The following ALG6 variants were observed in gnomAD, a reference collection of about 807,000 sequenced individuals.
ALG6 encodes the protein ALG6 alpha-1,3-glucosyltransferase.
Under a neutral mutation model 66.6 loss-of-function variants are expected in ALG6, and 46 were observed. That is an observed-to-expected ratio of 0.69 (90% CI 0.55 to 0.88). ALG6 has a LOEUF of 0.88. Ranked by LOEUF, ALG6 falls within the 40% of genes least tolerant of loss-of-function variation. The probability of loss-of-function intolerance (pLI) is 0.00; values close to 1 mark genes in which losing one functional copy is unlikely to be tolerated. For missense variants in ALG6, 505 were observed against 586.8 expected (o/e 0.86, Z 1.44); for synonymous variants, 185 against 203.7 (o/e 0.91, Z 0.78).
At chr1:63,432,258 G>GTTTTTT (rs139890401) in intron 14 of ALG6, among the ~76,000 whole-genome samples, 2,684 of 149,552 alleles carry the variant, frequency 0.018, 79 homozygotes, top group African/African-American at 0.062. Flanking sequence ...TTGGTCATGT[G>GTTTTTT]TGTTTTTTTT....
intron 5 of ALG6, among the ~76,000 whole-genome samples, chr1:63,405,636 C>T (rs1422012548): frequency 6.6e-6 from 1 of 152,064 alleles, no homozygotes; most frequent in Non-Finnish European, 1.5e-5. Flanking sequence ...TTTAATGTGG[C>T]ATCTGGAGCT....
chr1:63,395,013 G>T (rs904261966), intron 2 of ALG6, among the ~76,000 whole-genome samples: 2 of 151,426 alleles, frequency 1.3e-5, no homozygotes, highest in Admixed American at 1.3e-4. Flanking sequence ...TTACAGGCAC[G>T]CACCACCATG....
At chr1:63,415,370 C>G (rs989067721) in intron 10 of ALG6, among the ~76,000 whole-genome samples, 4 of 152,152 alleles carry the variant, frequency 2.6e-5, no homozygotes, top group Admixed American at 2.6e-4. Context: ...AGGAGAAGCT[C>G]TAGTAGCTTC....
chr1:63,434,649 G>T (rs1290833974), intron 14 of ALG6, among the ~76,000 whole-genome samples: 5 of 152,100 alleles, frequency 3.3e-5, no homozygotes, highest in South Asian at 2.1e-4. Flanking sequence ...CGTTAGTGTT[G>T]GTGTATTTTA....
At chr1:63,368,308 C>T (rs1647793276) in intron 1 of ALG6, among the ~76,000 whole-genome samples, 1 of 152,082 alleles carries the variant, frequency 6.6e-6, no homozygotes, top group African/African-American at 2.4e-5. Flanking sequence ...CCACACAGGG[C>T]TCAGTAAAAT....
chr1:63,370,084 C>T (rs566438601), intron 1 of ALG6, among the ~76,000 whole-genome samples: 86 of 151,796 alleles, frequency 5.7e-4, no homozygotes, highest in Non-Finnish European at 9.3e-4. Flanking sequence ...TCCCAAAGTG[C>T]TGGGATTACA....
intron 2 of ALG6, among the ~76,000 whole-genome samples, chr1:63,374,186 C>A (rs1487152391): frequency 3.3e-5 from 5 of 152,054 alleles, no homozygotes; most frequent in Non-Finnish European, 7.4e-5. Context: ...TGAATGAGTT[C>A]GAGGAATATG....
chr1:63,412,155 A>G (rs536650113), intron 9 of ALG6, 94 bp downstream of exon 9: 86 of 1,540,822 alleles, frequency 5.6e-5, no homozygotes, highest in Non-Finnish European at 5.4e-5. Flanking sequence ...TAGGAACTTC[A>G]GCTACTTTCC....
rs539740181 is a variant in ALG6 at position 63,419,424 on chromosome 1, A to T, written c.1042A>T (p.Ile348Phe). The change falls in exon 12 of 15, where the codon ATT (isoleucine) becomes TTT (phenylalanine). Residue 348 changes from isoleucine (I) to phenylalanine (F), a missense_variant. Coordinates refer to ENST00000263440, the MANE Select transcript of ALG6 (RefSeq NM_013339.4). ...LFSFQVHEKS[I>F]LLVSLPVCLV... is the part of the protein sequence containing the mutation. Reference sequence around the variant, plus strand: ...TTCTTTCCAAGTACATGAAAAATCCATTCTCTTGGTGTCACTGTAAGTAGA... The same window carrying T: ...TTCTTTCCAAGTACATGAAAAATCCTTTCTCTTGGTGTCACTGTAAGTAGA... 1 of 1,606,916 alleles carries T rather than the reference A, an allele frequency of 6.2e-7. No homozygotes were observed. Among genetic ancestry groups the T allele is most frequent in the South Asian group, 1.1e-5 (1 of 89,992 alleles).
intron 2 of ALG6, among the ~76,000 whole-genome samples, chr1:63,394,078 G>T (rs1648748628): frequency 6.6e-6 from 1 of 152,206 alleles, no homozygotes; most frequent in Non-Finnish European, 1.5e-5. Context: ...AGCGTTTAAA[G>T]AATATTGGTA....
Position 63,389,696 on chromosome 1 carries a change from A to G in ALG6, c.83-6817A>G, listed in dbSNP as rs150915014. 1.4e-3 allele frequency among the ~76,000 whole-genome samples: 216 copies of G among 152,234 alleles called. 2 individuals carry two copies. Among genetic ancestry groups the G allele is most frequent in the African/African-American group, 5.0e-3 (209 of 41,532 alleles). The stretch of plus-strand genomic sequence containing the variant: ...ATTGTAGTCTTCACAGTCTGGGCTT[A>G]TTTATACCCATCCTTCTTGGGAAGG... On this transcript the variant is annotated intron_variant, in intron 2 of 14. Coordinates refer to ENST00000263440, the MANE Select transcript of ALG6 (RefSeq NM_013339.4).
intron 1 of ALG6, among the ~76,000 whole-genome samples, chr1:63,368,800 C>G (rs1416169232): frequency 6.6e-6 from 1 of 152,102 alleles, no homozygotes; most frequent in African/African-American, 2.4e-5. Flanking sequence ...TGCGCCCAGC[C>G]CCTTTTATGC....
At chr1:63,400,371 GTA>G (rs1361757864) in intron 3 of ALG6, among the ~76,000 whole-genome samples, 1 of 121,554 alleles carries the variant, frequency 8.2e-6, no homozygotes, top group East Asian at 2.2e-4. Flanking sequence ...GTATATATAT[GTA>G]TATATATATA....
chr1:63,436,438 A>G (rs891778806), intron 14 of ALG6, among the ~76,000 whole-genome samples: 3 of 152,146 alleles, frequency 2.0e-5, no homozygotes, highest in African/African-American at 7.2e-5. Flanking sequence ...TTAGAATTTT[A>G]TATCCTGTTG....
intron 2 of ALG6, among the ~76,000 whole-genome samples, chr1:63,374,929 G>C (rs570874173): frequency 6.6e-6 from 1 of 152,144 alleles, no homozygotes; most frequent in Non-Finnish European, 1.5e-5. Flanking sequence ...AAAAATGTAG[G>C]CTGAGCACAG....
In ALG6 at chr1:63,437,099, A is replaced by G. The variant is rs567013040; in HGVS notation, c.*79A>G. 1.3e-5 allele frequency: 17 copies of G among 1,274,852 alleles called. No individual in the cohort carries two copies. In the African/African-American group the frequency reaches 1.5e-4, roughly 11 times the overall value. The allele number at this position is 1,274,852 out of a possible 1,614,324, so 79.0% of individuals were successfully genotyped here. On this transcript the variant is annotated 3_prime_UTR_variant, in exon 15 of 15. Transcript: ENST00000263440. ...TGAAAGGTTTTGTGAACTTTTTGCT[A>G]TGTATAAATGAAATTACCATTTTGA...
At chr1:63,436,381 A>G (rs1644678585) in intron 14 of ALG6, among the ~76,000 whole-genome samples, 1 of 152,110 alleles carries the variant, frequency 6.6e-6, no homozygotes, top group Non-Finnish European at 1.5e-5. Context: ...CCTGCCAAAC[A>G]CTAGGTTTTA....
chr1:63,395,790 C>A (rs75809708), intron 2 of ALG6, among the ~76,000 whole-genome samples: 4,167 of 152,162 alleles, frequency 0.027, 111 homozygotes, highest in South Asian at 0.14. Context: ...TAAAAATAAA[C>A]CTGGATATAA....
intron 1 of ALG6, among the ~76,000 whole-genome samples, chr1:63,370,400 A>G (rs1317560818): frequency 6.6e-6 from 1 of 152,266 alleles, no homozygotes; most frequent in African/African-American, 2.4e-5. Context: ...GCTGTACCAA[A>G]GATAAATCAT....
Sources: gnomAD v4.1 joint callset for allele counts (sites outside exome capture counted in the v4.1 genomes callset) on GRCh38, gnomAD v4.1.1 for gene constraint, MANE v1.5 for transcripts, NCBI Gene and HGNC (gene_info 2026-07-23, HGNC 2026-07-21) for gene names.